Variants in CTNNA3 observed in about 807,000 individuals in gnomAD.
CTNNA3 encodes catenin alpha-3.
In CTNNA3, 76 loss-of-function variants were observed where a neutral mutation model predicts 95.7. The ratio of observed to expected loss-of-function variants is 0.79; its 90% CI spans 0.66 to 0.96. The LOEUF (loss-of-function observed/expected upper bound fraction) is 0.96, where lower values mean the gene tolerates loss of function less well. Among genes scored for constraint, CTNNA3 ranks in the 40% least tolerant of loss-of-function variants. The pLI, the probability that CTNNA3 is intolerant of heterozygous loss-of-function variation, is 0.00. For synonymous variants in CTNNA3, 431 were observed against 374.4 expected (o/e 1.15, Z -1.74); for missense variants, 1,191 against 1,089.8 (o/e 1.09, Z -1.31).
chr10:66,989,329 A>C (rs1386631505), intron 7 of CTNNA3, among the ~76,000 whole-genome samples: 1 of 152,158 alleles, frequency 6.6e-6, no homozygotes, highest in East Asian at 1.9e-4. Flanking sequence ...TATTCCCTAA[A>C]AGTCCACAGA....
chr10:67,066,204 T>TTTC lies in CTNNA3; in HGVS notation c.1047+114112_1047+114113insGAA, dbSNP rs1338345376. Reference sequence around the variant, plus strand: ...CCACTGAAGTCACTGGCTTTTTTTTTTTTTTTTTGAGACAGTCTTGCTCCA... The same window carrying TTTC: ...CCACTGAAGTCACTGGCTTTTTTTTTTTCTTTTTTTTGAGACAGTCTTGCTCCA... On this transcript the variant is annotated intron_variant, in intron 7 of 17. Transcript: ENST00000433211. Among the ~76,000 whole-genome samples the TTTC allele has an allele frequency of 1.4e-4, 21 of 149,976 alleles. 1 individual carries two copies. In the South Asian group the frequency reaches 4.0e-3, roughly 29 times the overall value.
intron 7 of CTNNA3, among the ~76,000 whole-genome samples, chr10:66,929,750 A>G (rs1847266650): frequency 6.6e-6 from 1 of 152,236 alleles, no homozygotes; most frequent in Non-Finnish European, 1.5e-5. Flanking sequence ...GCAATCTGCA[A>G]GCTGCATGCA....
chr10:67,144,136 G>A (rs1436899458), intron 7 of CTNNA3, among the ~76,000 whole-genome samples: 1 of 152,180 alleles, frequency 6.6e-6, no homozygotes, highest in Non-Finnish European at 1.5e-5. Context: ...CAGGTGCATT[G>A]TCAATGAGCA....
chr10:67,728,561 C>T (rs1028749805), intron 1 of CTNNA3, among the ~76,000 whole-genome samples: 1 of 151,596 alleles, frequency 6.6e-6, no homozygotes, highest in African/African-American at 2.4e-5. Flanking sequence ...CAGGTTCAAG[C>T]GATTCCAGGT....
intron 15 of CTNNA3, among the ~76,000 whole-genome samples, chr10:66,016,151 T>C (rs2079092039): frequency 6.6e-6 from 1 of 152,152 alleles, no homozygotes; most frequent in African/African-American, 2.4e-5. Context: ...AGTTGGGAGA[T>C]GCCTAAGGAC....
intron 12 of CTNNA3, among the ~76,000 whole-genome samples, chr10:66,354,602 G>C (rs72802875): frequency 0.061 from 9,283 of 152,080 alleles, 457 homozygotes; most frequent in East Asian, 0.1. Context: ...TAAGTGGATC[G>C]TTGAAAATGC....
intron 9 of CTNNA3, among the ~76,000 whole-genome samples, chr10:66,746,427 A>G (rs1322302519): frequency 2.0e-5 from 3 of 152,208 alleles, no homozygotes; most frequent in African/African-American, 4.8e-5. Flanking sequence ...AATTTGGCAA[A>G]TAATATCTAA....
At chr10:67,758,970 A>AT (rs1841448527) in intron 1 of CTNNA3, among the ~76,000 whole-genome samples, 1 of 152,180 alleles carries the variant, frequency 6.6e-6, no homozygotes, top group Non-Finnish European at 1.5e-5. Context: ...TTAGGTAGGA[A>AT]AATCCTGTAA....
intron 5 of CTNNA3, among the ~76,000 whole-genome samples, chr10:67,358,383 C>A (rs1345729349): frequency 6.6e-6 from 1 of 152,004 alleles, no homozygotes; most frequent in Non-Finnish European, 1.5e-5. Flanking sequence ...TCTGTCTCAC[C>A]AAGGAAAAAA....
chr10:67,733,112 G>A (rs1257013090), intron 1 of CTNNA3, among the ~76,000 whole-genome samples: 2 of 151,902 alleles, frequency 1.3e-5, no homozygotes, highest in Non-Finnish European at 2.9e-5. Context: ...ATAAGTACAT[G>A]GTCAAAATCA....
At chr10:67,680,342 C>T (rs1840604096) in intron 1 of CTNNA3, among the ~76,000 whole-genome samples, 1 of 152,168 alleles carries the variant, frequency 6.6e-6, no homozygotes, top group Non-Finnish European at 1.5e-5. Context: ...GACTATCAGT[C>T]CTCACTAACA....
At chr10:66,327,505 T>C (rs993838126) in intron 12 of CTNNA3, among the ~76,000 whole-genome samples, 15 of 152,080 alleles carry the variant, frequency 9.9e-5, no homozygotes, top group African/African-American at 2.9e-4. Context: ...AATTTAGAAA[T>C]GTCCTTCAGG....
intron 12 of CTNNA3, among the ~76,000 whole-genome samples, chr10:66,309,841 G>A (rs2091987412): frequency 6.6e-6 from 1 of 150,420 alleles, no homozygotes; most frequent in South Asian, 2.1e-4. Flanking sequence ...GGGCGGATCA[G>A]GAAGTCAGGA....
In CTNNA3 at chr10:66,747,406, A is replaced by T. The variant is rs1235079169; in HGVS notation, c.1281+18858T>A. On this transcript the variant is annotated intron_variant, in intron 9 of 17. Transcript: ENST00000433211. Reference sequence around the variant, plus strand: ...TTAAATAATGATCACAACCATGGAAATCTTGAGACCTGTCTAGCTCCGGTA... The same window carrying T: ...TTAAATAATGATCACAACCATGGAATTCTTGAGACCTGTCTAGCTCCGGTA... 2.6e-5 allele frequency among the ~76,000 whole-genome samples: 4 copies of T among 152,198 alleles called. No homozygotes were observed. In the South Asian group the frequency reaches 6.2e-4, roughly 24 times the overall value.
chr10:66,784,672 G>A (rs1840669740), intron 7 of CTNNA3, among the ~76,000 whole-genome samples: 1 of 152,104 alleles, frequency 6.6e-6, no homozygotes, highest in Non-Finnish European at 1.5e-5. Context: ...TTCTGTGCCA[G>A]ACCAAGATAA....
intron 9 of CTNNA3, among the ~76,000 whole-genome samples, chr10:66,699,054 C>T (rs1383418786): frequency 6.6e-6 from 1 of 152,136 alleles, no homozygotes; most frequent in Non-Finnish European, 1.5e-5. Context: ...TACACATACA[C>T]ACAGATACAC....
rs139429382 is a variant in CTNNA3, at chr10:66,367,342, A to T, written c.1732+11810T>A. ...AAAAGTCAGTGTCAGACCTCCAGGT[A>T]ATCATGGAGAGTTCCAGCCCAGCTG... On this transcript the variant is annotated intron_variant, in intron 12 of 17. Coordinates refer to ENST00000433211, the MANE Select transcript of CTNNA3 (RefSeq NM_013266.4). 1.2e-4 allele frequency among the ~76,000 whole-genome samples: 19 copies of T among 152,194 alleles called. No individual in the cohort carries two copies. The East Asian group carries it at 3.7e-3, about 29-fold the overall frequency.
chr10:67,373,015 C>A (rs1163342725), intron 5 of CTNNA3, among the ~76,000 whole-genome samples: 1 of 152,118 alleles, frequency 6.6e-6, no homozygotes, highest in Non-Finnish European at 1.5e-5. Context: ...CCAGCCACTG[C>A]AAAAACATGC....
chr10:67,289,687 T>G (rs1839753492), intron 5 of CTNNA3, among the ~76,000 whole-genome samples: 1 of 152,174 alleles, frequency 6.6e-6, no homozygotes, highest in African/African-American at 2.4e-5. Flanking sequence ...CTTGAGAAAC[T>G]AATCAATTAT....
Sources: gnomAD v4.1 joint callset for allele counts (sites outside exome capture counted in the v4.1 genomes callset) on GRCh38, gnomAD v4.1.1 for gene constraint, MANE v1.5 for transcripts, NCBI Gene and HGNC (gene_info 2026-07-23, HGNC 2026-07-21) for gene names.